Variants in ITGB3BP observed in about 807,000 individuals in gnomAD.
ITGB3BP encodes the protein integrin subunit beta 3 binding protein, also known as centromere protein R.
ITGB3BP carries 27 observed loss-of-function variants against 29.1 expected under a neutral mutation model. The ratio of observed to expected loss-of-function variants is 0.93; its 90% CI spans 0.68 to 1.28. The LOEUF is 1.28. Among genes scored for constraint, ITGB3BP ranks in the 50% most tolerant of loss-of-function variants. The probability of loss-of-function intolerance (pLI) is 0.00; values close to 1 mark genes in which losing one functional copy is unlikely to be tolerated. For synonymous variants in ITGB3BP, 61 were observed against 61.4 expected, an observed-to-expected ratio of 0.99 and a Z score of 0.03; for missense variants, 192 against 200.2, an observed-to-expected ratio of 0.96 and a Z score of 0.25.
Position 63,519,689 on chromosome 1 carries a change from C to A in ITGB3BP, c.5+3440G>T, listed in dbSNP as rs549274666. ...TATTTAATGGTTAACTTTTACTTGG[C>A]CTGACACATCATTCCACCCACCTAC... On this transcript the variant is annotated intron_variant, in intron 1 of 8. Coordinates refer to ENST00000271002, the MANE Select transcript of ITGB3BP (RefSeq NM_014288.5). 2.2e-3 allele frequency among the ~76,000 whole-genome samples: 328 copies of A among 152,122 alleles called. 5 individuals carry two copies. The highest frequency in any genetic ancestry group is 7.4e-3 in the African/African-American group (306 of 41,540).
chr1:63,486,645 T>C (rs1645536296), intron 3 of ITGB3BP, among the ~76,000 whole-genome samples: 1 of 152,056 alleles, frequency 6.6e-6, no homozygotes, highest in African/African-American at 2.4e-5. Context: ...TAATCTACAG[T>C]ACATATCAAG....
chr1:63,484,988 T>C (rs1480924077), intron 3 of ITGB3BP, among the ~76,000 whole-genome samples: 1 of 152,142 alleles, frequency 6.6e-6, no homozygotes, highest in South Asian at 2.1e-4. Context: ...TAAATCCTTT[T>C]AGGCATAAAG....
upstream of ITGB3BP, chr1:63,523,378 C>A (rs543930208): frequency 2.6e-5 from 15 of 584,920 alleles, no homozygotes; most frequent in Admixed American, 4.2e-4. Context: ...TAACAGAGCA[C>A]CTTCTCTCAC....
intron 8 of ITGB3BP, among the ~76,000 whole-genome samples, chr1:63,443,764 C>G (rs1644756578): frequency 6.6e-6 from 1 of 152,038 alleles, no homozygotes; most frequent in African/African-American, 2.4e-5. Context: ...GTAATATAAT[C>G]TGGCAGCGTT....
intron 7 of ITGB3BP, among the ~76,000 whole-genome samples, chr1:63,450,564 G>A (rs961310035): frequency 1.3e-5 from 2 of 151,914 alleles, no homozygotes; most frequent in African/African-American, 4.8e-5. Flanking sequence ...ACCATGTGAT[G>A]ATAATGTGAC....
At chr1:63,502,735 A>T (rs1645967715) in intron 2 of ITGB3BP, among the ~76,000 whole-genome samples, 1 of 136,240 alleles carries the variant, frequency 7.3e-6, no homozygotes, top group African/African-American at 2.8e-5. Context: ...TCGTTGTTCA[A>T]TTCCCACCTA....
At chr1:63,485,135 A>G (rs1260894475) in intron 3 of ITGB3BP, among the ~76,000 whole-genome samples, 1 of 152,094 alleles carries the variant, frequency 6.6e-6, no homozygotes. Context: ...TAATGCTATT[A>G]ATGAAAATGG....
chr1:63,513,717 C>T (rs1646251702), intron 1 of ITGB3BP, among the ~76,000 whole-genome samples: 3 of 152,154 alleles, frequency 2.0e-5, no homozygotes. Context: ...AATGCCAAGT[C>T]AAGAAATTTG....
chr1:63,504,221 T>C (rs1325213706), intron 2 of ITGB3BP, among the ~76,000 whole-genome samples: 1 of 151,940 alleles, frequency 6.6e-6, no homozygotes, highest in Non-Finnish European at 1.5e-5. Flanking sequence ...CTTAAAGAGG[T>C]CCTTCACATC....
intron 4 of ITGB3BP, among the ~76,000 whole-genome samples, chr1:63,473,673 GATCAGCCCCCTGCC>G (rs1645261823): frequency 1.1e-5 from 1 of 87,320 alleles, no homozygotes; most frequent in Non-Finnish European, 2.5e-5. Flanking sequence ...GAGGTGGGGG[GATCAGCCCCCTGCC>G]TGGCCAGCCG....
At chr1:63,447,102 GCTT>G in intron 7 of ITGB3BP, 1 of 461,118 alleles carries the variant, frequency 2.2e-6, no homozygotes, top group Middle Eastern at 6.3e-4. Flanking sequence ...TACAATACAT[GCTT>G]ATTACCATTG....
intron 4 of ITGB3BP, among the ~76,000 whole-genome samples, chr1:63,474,280 C>T (rs1228429225): frequency 4.2e-4 from 57 of 136,130 alleles, no homozygotes; most frequent in African/African-American, 6.3e-4. Flanking sequence ...GTGGGGGGGT[C>T]AGCCCCCCGC....
At chr1:63,491,857 G>C (rs1391311614) in intron 2 of ITGB3BP, among the ~76,000 whole-genome samples, 1 of 151,784 alleles carries the variant, frequency 6.6e-6, no homozygotes, top group South Asian at 2.1e-4. Context: ...ACAGTGAAAG[G>C]GTTTTAAGTC....
intron 2 of ITGB3BP, among the ~76,000 whole-genome samples, chr1:63,504,187 A>G (rs371210756): frequency 6.6e-6 from 1 of 151,730 alleles, no homozygotes; most frequent in Admixed American, 6.6e-5. Flanking sequence ...CTTTTATTTC[A>G]TTGAGCAGTG....
chr1:63,452,636 T>TC (rs67454124), intron 7 of ITGB3BP, among the ~76,000 whole-genome samples: 140,349 of 150,548 alleles, frequency 0.93, 66,212 homozygotes, highest in East Asian at 1. Context: ...TTTCTTTCTT[T>TC]TTTTTTTTTT....
chr1:63,524,484 T>G (rs1383224294), upstream of ITGB3BP, among the ~76,000 whole-genome samples: 7 of 152,220 alleles, frequency 4.6e-5, no homozygotes, highest in African/African-American at 1.7e-4. Context: ...ATGATCTATA[T>G]AATTCGAAAA....
chr1:63,475,154 T>A (rs915445535), intron 4 of ITGB3BP, among the ~76,000 whole-genome samples: 29 of 151,970 alleles, frequency 1.9e-4, no homozygotes, highest in Admixed American at 1.3e-3. Context: ...TAAAAAAAAA[T>A]TTTGTAGAGA....
At position 63,508,837 on chromosome 1, in the gene ITGB3BP, G is replaced by A. The variant is rs2036869; in HGVS notation, c.6-267C>T. ...TGCAGTTATATATACAAGGACTACC[G>A]TACAATTTAAACATCAGTCCTATAT... On this transcript the variant is annotated intron_variant, in intron 1 of 8. Transcript: ENST00000271002. 4.8e-4 allele frequency among the ~76,000 whole-genome samples: 73 copies of A among 151,848 alleles called. No homozygotes were observed. In the East Asian group the frequency reaches 0.013, roughly 27 times the overall value.
intron 2 of ITGB3BP, among the ~76,000 whole-genome samples, chr1:63,507,579 G>A (rs1646108510): frequency 2.0e-5 from 3 of 152,216 alleles, no homozygotes; most frequent in Admixed American, 2.0e-4. Flanking sequence ...AGTCACAGCT[G>A]CATTCTGCAC....
Sources: allele counts gnomAD v4.1 joint callset (sites outside exome capture counted in the v4.1 genomes callset), GRCh38; gene constraint gnomAD v4.1.1; transcripts MANE v1.5; gene names NCBI Gene and HGNC (gene_info 2026-07-23, HGNC 2026-07-21).